Variants in BRD4 observed in about 807,000 individuals in gnomAD.
BRD4 encodes bromodomain-containing protein 4.
BRD4 carries 16 observed loss-of-function variants against 142.1 expected under a neutral mutation model. The observed-to-expected ratio is 0.11, with a 90% CI of 0.08 to 0.17. The LOEUF is 0.17. Ranked by LOEUF, BRD4 falls within the 10% of genes least tolerant of loss-of-function variation. The probability of loss-of-function intolerance (pLI) is 1.00; values close to 1 mark genes in which losing one functional copy is unlikely to be tolerated. For synonymous variants in BRD4, 833 were observed against 707.5 expected (o/e 1.18, Z -2.82); for missense variants, 1,424 against 1,810.9 (o/e 0.79, Z 3.88).
intron 7 of BRD4, 34 bp downstream of exon 7, chr19:15,263,386 C>T: frequency 6.2e-7 from 1 of 1,604,846 alleles, no homozygotes; most frequent in East Asian, 2.2e-5. Flanking sequence ...TCAGCCTGCT[C>T]TGCTGAGGGT....
intron 4 of BRD4, 102 bp from the exon 5 acceptor site, chr19:15,265,745 G>A (rs758331464): frequency 2.0e-5 from 26 of 1,275,748 alleles, no homozygotes; most frequent in South Asian, 3.7e-5. Flanking sequence ...GCACATTCGC[G>A]TGTTGCATTT....
Position 15,323,178 on chromosome 19 carries a change from TAAAAAAAAA to T in BRD4, c.-35+9103_-35+9111del, listed in dbSNP as rs1017018376. On this transcript the variant is annotated intron_variant, in intron 1 of 19. Transcript: ENST00000679869. Reference sequence around the variant, plus strand: ...GCAACACAGCAAGACTCCATCTCTTTAAAAAAAAAAAAAAAAAAAAAAAAAAGAACTGCT... The same window carrying T: ...GCAACACAGCAAGACTCCATCTCTTTAAAAAAAAAAAAAAAAAGAACTGCT... 4.1e-4 allele frequency among the ~76,000 whole-genome samples: 30 copies of T among 73,072 alleles called. 1 individual carries two copies. Among genetic ancestry groups the T allele is most frequent in the African/African-American group, 1.3e-3 (21 of 16,526 alleles). The allele number at this position is 73,072 out of a possible 152,430, so 47.9% of individuals were successfully genotyped here.
intron 1 of BRD4, among the ~76,000 whole-genome samples, chr19:15,301,567 C>CAA (rs1166398252): frequency 4.9e-5 from 5 of 102,514 alleles, no homozygotes; most frequent in African/African-American, 1.2e-4. Flanking sequence ...CGTCTCAAAA[C>CAA]AAAAAAAAAA....
intron 1 of BRD4, among the ~76,000 whole-genome samples, chr19:15,327,444 T>C (rs1402172145): frequency 1.3e-5 from 2 of 152,048 alleles, no homozygotes; most frequent in East Asian, 3.9e-4. Flanking sequence ...CTTGGGAGGT[T>C]GAAGCAGGAG....
intron 11 of BRD4, chr19:15,249,207 G>A: frequency 1.2e-6 from 2 of 1,612,652 alleles, no homozygotes; most frequent in South Asian, 1.1e-5. Flanking sequence ...GGAAGAAAAT[G>A]GACTTAAGCT....
chr19:15,267,380 G>A (rs1342449429), intron 4 of BRD4, 36 bp downstream of exon 4: 27 of 1,607,716 alleles, frequency 1.7e-5, no homozygotes, highest in Non-Finnish European at 2.3e-5. Flanking sequence ...AAAGGTCGGG[G>A]AGAAAGCCAA....
intron 7 of BRD4, among the ~76,000 whole-genome samples, chr19:15,262,915 T>C (rs1212459668): frequency 2.0e-5 from 3 of 152,148 alleles, no homozygotes; most frequent in Admixed American, 2.0e-4. Context: ...ACACGTGTAC[T>C]TCACACTGTG....
intron 1 of BRD4, among the ~76,000 whole-genome samples, chr19:15,309,352 A>AC (rs2047946251): frequency 6.6e-6 from 1 of 151,944 alleles, no homozygotes; most frequent in African/African-American, 2.4e-5. Flanking sequence ...AAAAAAAAAA[A>AC]AAAACCAACA....
At chr19:15,288,255 G>C (rs1021934376) in intron 1 of BRD4, among the ~76,000 whole-genome samples, 1 of 152,116 alleles carries the variant, frequency 6.6e-6, no homozygotes, top group African/African-American at 2.4e-5. Flanking sequence ...AATGTTTGCT[G>C]AAGTACACAG....
chr19:15,284,044 T>C (rs547065385), intron 1 of BRD4, among the ~76,000 whole-genome samples: 1 of 152,116 alleles, frequency 6.6e-6, no homozygotes, highest in African/African-American at 2.4e-5. Flanking sequence ...GGTCCAGAGG[T>C]ATCAAAGCCT....
chr19:15,273,921 C>T (rs75512905), intron 1 of BRD4, among the ~76,000 whole-genome samples: 1 of 151,672 alleles, frequency 6.6e-6, no homozygotes, highest in East Asian at 1.9e-4. Context: ...TTATGCCTAG[C>T]ACACACTAGG....
intron 7 of BRD4, among the ~76,000 whole-genome samples, chr19:15,262,369 G>A (rs2047480680): frequency 6.6e-6 from 1 of 152,082 alleles, no homozygotes; most frequent in Admixed American, 6.5e-5. Context: ...GGGAGAAGAT[G>A]CTGGGAATTT....
intron 1 of BRD4, among the ~76,000 whole-genome samples, chr19:15,294,780 C>A (rs1350927164): frequency 6.6e-6 from 1 of 152,128 alleles, no homozygotes; most frequent in Non-Finnish European, 1.5e-5. Context: ...TAGGGCCTGG[C>A]CAACATCCAA....
intron 1 of BRD4, among the ~76,000 whole-genome samples, chr19:15,283,384 AC>A (rs781624642): frequency 2.0e-5 from 3 of 152,238 alleles, no homozygotes; most frequent in Non-Finnish European, 4.4e-5. Flanking sequence ...CCCATTGCAA[AC>A]AAAAGCATAA....
intron 1 of BRD4, among the ~76,000 whole-genome samples, chr19:15,277,822 G>T (rs928653429): frequency 6.9e-6 from 1 of 144,502 alleles, no homozygotes; most frequent in Non-Finnish European, 1.5e-5. Flanking sequence ...AAAAGCAAAG[G>T]TCATATAAAA....
In BRD4 at chr19:15,239,566, G is replaced by C; in HGVS notation, c.3446-44C>G. The C allele has an allele frequency of 6.3e-7, 1 of 1,577,144 alleles. No homozygotes were observed. The highest frequency in any genetic ancestry group is 8.6e-7 in the Non-Finnish European group (1 of 1,166,030). On this transcript the variant is annotated intron_variant, in intron 16 of 19. Coordinates refer to ENST00000679869, the MANE Select transcript of BRD4 (RefSeq NM_001379291.1). The surrounding 1 kb of genome is among the most constrained non-coding windows in gnomAD (Gnocchi z 7.4). ...GTGGGCCCTGGCCCACCTCACCCCAGTGGGGCATGGTCCACCAGCCCCACA... is the reference window on the plus strand; with the variant it reads ...GTGGGCCCTGGCCCACCTCACCCCACTGGGGCATGGTCCACCAGCCCCACA...
At chr19:15,324,583 T>A (rs765798263) in intron 1 of BRD4, among the ~76,000 whole-genome samples, 23 of 152,212 alleles carry the variant, frequency 1.5e-4, no homozygotes, top group Non-Finnish European at 8.8e-5. Context: ...CAAGCCCAGA[T>A]GCCAATACAA....
chr19:15,310,823 G>A (rs1173977397), intron 1 of BRD4, among the ~76,000 whole-genome samples: 1 of 151,898 alleles, frequency 6.6e-6, no homozygotes, highest in Non-Finnish European at 1.5e-5. Context: ...AGTCCTGAAA[G>A]ACACCTGGCT....
At chr19:15,329,969 C>T (rs2048142766) in intron 1 of BRD4, among the ~76,000 whole-genome samples, 1 of 152,210 alleles carries the variant, frequency 6.6e-6, no homozygotes. Context: ...TACTAAGTGG[C>T]CAATGATTCT....
Sources: allele counts gnomAD v4.1 joint callset (sites outside exome capture counted in the v4.1 genomes callset), GRCh38; gene constraint gnomAD v4.1.1; non-coding constraint Gnocchi (gnomAD v3.1); transcripts MANE v1.5; gene names NCBI Gene and HGNC (gene_info 2026-07-23, HGNC 2026-07-21).